Variants in CAV1 observed in about 807,000 individuals in gnomAD.
CAV1 encodes the protein caveolin 1, also known as caveolin-1.
Under a neutral mutation model 16.5 loss-of-function variants are expected in CAV1, and 10 were observed. That is an observed-to-expected ratio of 0.61 (90% confidence interval 0.37 to 1.03). The LOEUF (loss-of-function observed/expected upper bound fraction) is 1.03, where lower values mean the gene tolerates loss of function less well. CAV1 is among the 50% of genes least tolerant of loss of function. CAV1 has a pLI of 0.01. For synonymous variants in CAV1, 76 were observed against 85.1 expected (o/e 0.89, Z 0.59); for missense variants, 212 against 232.8 (o/e 0.91, Z 0.58).
At chr7:116,530,184 A>G (rs1272760711) in intron 2 of CAV1, among the ~76,000 whole-genome samples, 1 of 141,884 alleles carries the variant, frequency 7.0e-6, no homozygotes, top group Non-Finnish European at 1.5e-5. Context: ...TCACTGCTAC[A>G]TGGAAACTGA....
chr7:116,534,778 A>G (rs1201896065), intron 2 of CAV1, among the ~76,000 whole-genome samples: 1 of 152,068 alleles, frequency 6.6e-6, no homozygotes, highest in East Asian at 1.9e-4. Flanking sequence ...TCGTTCTTCA[A>G]ATGATTACAC....
intron 2 of CAV1, among the ~76,000 whole-genome samples, chr7:116,527,494 G>A (rs1309847808): frequency 6.6e-6 from 1 of 152,124 alleles, no homozygotes; most frequent in Non-Finnish European, 1.5e-5. Context: ...TAATTGGACT[G>A]GGTTATTGGC....
chr7:116,533,180 A>G (rs1388864441), intron 2 of CAV1, among the ~76,000 whole-genome samples: 1 of 151,944 alleles, frequency 6.6e-6, no homozygotes, highest in Non-Finnish European at 1.5e-5. Flanking sequence ...TCTCTATGAA[A>G]AATACAAAAA....
intron 2 of CAV1, among the ~76,000 whole-genome samples, chr7:116,544,550 G>A: frequency 6.6e-6 from 1 of 152,076 alleles, no homozygotes; most frequent in East Asian, 1.9e-4. Flanking sequence ...AAAGAAGGTG[G>A]GGGCTAGAAA....
rs1213506373 is a variant in CAV1 at position 116,555,568 on chromosome 7, GA to G, written c.196-3375del. Among the ~76,000 whole-genome samples, 17 of 55,562 alleles carry G rather than the reference GA, an allele frequency of 3.1e-4. 3 individuals are homozygous for G. The highest frequency in any genetic ancestry group is 1.5e-4 in the African/African-American group (2 of 13,578). The allele number at this position is 55,562 out of a possible 152,430, so 36.5% of individuals were successfully genotyped here. A position where few individuals can be genotyped will look rare whatever the true frequency, so the allele number is the denominator to read the frequency against. On this transcript the variant is annotated intron_variant, in intron 2 of 2. Transcript: ENST00000341049. Reference sequence around the variant, plus strand: ...AGAAAGAAAGAAAGAAAGAAAGAAAGAAAGAAAGAAAGAAAGAAAGAAAGAA... The same window carrying G: ...AGAAAGAAAGAAAGAAAGAAAGAAAGAAGAAAGAAAGAAAGAAAGAAAGAA...
chr7:116,541,551 G>A (rs1793936096), intron 2 of CAV1, among the ~76,000 whole-genome samples: 1 of 152,100 alleles, frequency 6.6e-6, no homozygotes, highest in Non-Finnish European at 1.5e-5. Flanking sequence ...AGAAGCTTGA[G>A]ACCAGCCTGG....
chr7:116,541,703 A>G (rs534829393), intron 2 of CAV1, among the ~76,000 whole-genome samples: 92 of 150,800 alleles, frequency 6.1e-4, no homozygotes, highest in African/African-American at 2.1e-3. Flanking sequence ...GCAGTGAGCC[A>G]TGATTGTGCC....
intron 2 of CAV1, among the ~76,000 whole-genome samples, chr7:116,547,122 A>C (rs1794067644): frequency 6.6e-6 from 1 of 152,074 alleles, no homozygotes; most frequent in Non-Finnish European, 1.5e-5. Context: ...TGAGGGTTCC[A>C]CCCTACTCCA....
At chr7:116,532,819 G>A (rs553411336) in intron 2 of CAV1, among the ~76,000 whole-genome samples, 1 of 152,236 alleles carries the variant, frequency 6.6e-6, no homozygotes, top group East Asian at 1.9e-4. Flanking sequence ...TTTTTCTTTA[G>A]CAGTCAGGAA....
chr7:116,525,740 G>C, intron 1 of CAV1: 1 of 1,057,868 alleles, frequency 9.5e-7, no homozygotes, highest in Non-Finnish European at 1.2e-6. Flanking sequence ...CCAACACGTA[G>C]CTGCCCTTCA....
intron 2 of CAV1, among the ~76,000 whole-genome samples, chr7:116,545,148 T>C (rs1184110369): frequency 6.6e-6 from 1 of 152,206 alleles, no homozygotes; most frequent in Non-Finnish European, 1.5e-5. Context: ...AGGGAAAGTT[T>C]TTCTTCCCTT....
chr7:116,540,853 G>C (rs1793921170), intron 2 of CAV1, among the ~76,000 whole-genome samples: 1 of 152,162 alleles, frequency 6.6e-6, no homozygotes, highest in East Asian at 1.9e-4. Context: ...TGTCATTTTT[G>C]TGGGAGCCTG....
intron 2 of CAV1, among the ~76,000 whole-genome samples, chr7:116,558,094 A>G (rs184638253): frequency 2.0e-4 from 30 of 152,236 alleles, no homozygotes; most frequent in African/African-American, 6.0e-4. Flanking sequence ...CTCCCACCTC[A>G]TGAAGCCTTC....
chr7:116,547,527 GGGGTACATTT>G (rs1264278641), intron 2 of CAV1, among the ~76,000 whole-genome samples: 2 of 152,146 alleles, frequency 1.3e-5, no homozygotes, highest in Non-Finnish European at 2.9e-5. Context: ...TCATCTCCCT[GGGGTACATTT>G]GGTCACTGTG....
intron 1 of CAV1, chr7:116,525,913 G>A: frequency 9.0e-6 from 8 of 888,230 alleles, no homozygotes; most frequent in Non-Finnish European, 1.1e-5. Context: ...GAGAGCCGTG[G>A]AGGGACAAGA....
chr7:116,547,865 T>A (rs1030639523), intron 2 of CAV1, among the ~76,000 whole-genome samples: 1 of 152,206 alleles, frequency 6.6e-6, no homozygotes, highest in South Asian at 2.1e-4. Flanking sequence ...TCATACCGCA[T>A]CTTACAGATA....
chr7:116,548,510 T>C (rs926044356), intron 2 of CAV1, among the ~76,000 whole-genome samples: 1 of 152,128 alleles, frequency 6.6e-6, no homozygotes, highest in African/African-American at 2.4e-5. Context: ...TTGGTGGAAA[T>C]GGTTATTTGC....
At chr7:116,552,220 A>G (rs188414450) in intron 2 of CAV1, among the ~76,000 whole-genome samples, 1 of 152,276 alleles carries the variant, frequency 6.6e-6, no homozygotes, top group East Asian at 1.9e-4. Context: ...ATTTTTCCAG[A>G]TGAAAAGAAT....
chr7:116,559,917 T>C lies in CAV1; in HGVS notation c.*630T>C. 2.5e-6 allele frequency: 1 copy of C among 399,282 alleles called. No individual in the cohort carries two copies. Among genetic ancestry groups the C allele is most frequent in the Non-Finnish European group, 4.4e-6 (1 of 226,422 alleles). 24.7% of individuals were successfully genotyped at this position (399,282 alleles called of 1,614,324 possible). A position where few individuals can be genotyped will look rare whatever the true frequency, so the allele number is the denominator to read the frequency against. On this transcript the variant is annotated 3_prime_UTR_variant, in exon 3 of 3. Transcript: ENST00000341049. ...TATGATATTTTCTGTGCCTGAATAT[T>C]TGTTATGTAGATAACAAGACCTCAG...
Sources: allele counts gnomAD v4.1 joint callset (sites outside exome capture counted in the v4.1 genomes callset), GRCh38; gene constraint gnomAD v4.1.1; transcripts MANE v1.5; gene names NCBI Gene and HGNC (gene_info 2026-07-23, HGNC 2026-07-21).